IPCEF1: variants seen among roughly 807,000 people sequenced by gnomAD.
IPCEF1 encodes interactor protein for cytohesin exchange factors 1.
In IPCEF1, 31 loss-of-function variants were observed where a neutral mutation model predicts 50.9. The ratio of observed to expected loss-of-function variants is 0.61; its 90% CI spans 0.46 to 0.82. The LOEUF is 0.82. IPCEF1 is among the 40% of genes least tolerant of loss of function. The probability of loss-of-function intolerance (pLI) is 0.00; values close to 1 mark genes in which losing one functional copy is unlikely to be tolerated. For synonymous variants in IPCEF1, 181 were observed against 192.0 expected, an observed-to-expected ratio of 0.94 and a Z score of 0.47; for missense variants, 458 against 514.0, an observed-to-expected ratio of 0.89 and a Z score of 1.05.
In IPCEF1 at chr6:154,156,417, G is replaced by A. The variant is rs56089459; in HGVS notation, c.*3411C>T. ...TAACAGGTGAAGCGAGGTGGGGGGC[G>A]GAGAGGAGGAAATGGGCAGAGAGCC... On this transcript the variant is annotated 3_prime_UTR_variant, in exon 12 of 12. Transcript: ENST00000367220. 10,018 of 152,276 alleles carry A rather than the reference G, an allele frequency of 0.066. 960 individuals carry two copies. The highest frequency in any genetic ancestry group is 0.21 in the African/African-American group (8,743 of 41,460). 9.4% of individuals were successfully genotyped at this position (152,276 alleles called of 1,614,324 possible). A position where few individuals can be genotyped will look rare whatever the true frequency, so the allele number is the denominator to read the frequency against.
chr6:154,171,504 A>G (rs1291508864), intron 10 of IPCEF1, among the ~76,000 whole-genome samples: 1 of 152,174 alleles, frequency 6.6e-6, no homozygotes, highest in African/African-American at 2.4e-5. Flanking sequence ...CTAATGTGTA[A>G]GGATTTCTTT....
At chr6:154,229,381 T>G (rs1325566494) in intron 5 of IPCEF1, among the ~76,000 whole-genome samples, 13 of 140,420 alleles carry the variant, frequency 9.3e-5, no homozygotes, top group African/African-American at 3.5e-4. Flanking sequence ...ACGGAGTCTC[T>G]CTCTGTCGCC....
At chr6:154,295,150 A>G (rs1053630618) in intron 1 of IPCEF1, among the ~76,000 whole-genome samples, 1 of 152,060 alleles carries the variant, frequency 6.6e-6, no homozygotes. Context: ...GTGAGCTGAG[A>G]TTGCGCCACT....
Position 154,207,568 on chromosome 6 carries a change from G to GTT in IPCEF1, c.537+5200_537+5201dup, listed in dbSNP as rs67463270. Among the ~76,000 whole-genome samples, 232 of 143,748 alleles carry GTT rather than the reference G, an allele frequency of 1.6e-3. 1 individual carries two copies. In the East Asian group the frequency reaches 0.04, roughly 25 times the overall value. The allele number at this position is 143,748 out of a possible 152,430, so 94.3% of individuals were successfully genotyped here. A position where few individuals can be genotyped will look rare whatever the true frequency, so the allele number is the denominator to read the frequency against. On this transcript the variant is annotated intron_variant, in intron 9 of 11. Coordinates refer to ENST00000367220, the MANE Select transcript of IPCEF1 (RefSeq NM_001130700.2). ...GTTTAAACTTTTTGGGGTTTTTTTT[G>GTT]TTTTTTTGTTTTTCTGTAAAGACGG... is the stretch of plus-strand genomic sequence containing the variant.
intron 1 of IPCEF1, among the ~76,000 whole-genome samples, chr6:154,329,417 G>A (rs1783602431): frequency 6.6e-6 from 1 of 151,938 alleles, no homozygotes; most frequent in Non-Finnish European, 1.5e-5. Context: ...GCAACAAAGT[G>A]AGACTCTGCC....
At chr6:154,252,945 T>C (rs983593269) in intron 3 of IPCEF1, among the ~76,000 whole-genome samples, 3 of 152,190 alleles carry the variant, frequency 2.0e-5, no homozygotes, top group African/African-American at 7.2e-5. Context: ...TTAAACCCTT[T>C]TATTGCAGTA....
chr6:154,336,383 C>T (rs150597306), intron 1 of IPCEF1, among the ~76,000 whole-genome samples: 27 of 151,934 alleles, frequency 1.8e-4, no homozygotes, highest in African/African-American at 4.8e-4. Flanking sequence ...TGGATGGAAC[C>T]GAAGGTAATT....
chr6:154,279,872 A>G (rs943226687), intron 2 of IPCEF1, among the ~76,000 whole-genome samples: 4 of 152,246 alleles, frequency 2.6e-5, no homozygotes, highest in Non-Finnish European at 5.9e-5. Flanking sequence ...TAGGCCTTTG[A>G]CAAAGAAGGA....
intron 10 of IPCEF1, among the ~76,000 whole-genome samples, chr6:154,173,542 C>T (rs1026834423): frequency 6.6e-5 from 10 of 151,768 alleles, no homozygotes; most frequent in Admixed American, 2.0e-4. Context: ...CTTCAACAGC[C>T]GATTCAATCA....
chr6:154,315,995 G>A (rs1421369640), intron 1 of IPCEF1, among the ~76,000 whole-genome samples: 2 of 152,046 alleles, frequency 1.3e-5, no homozygotes, highest in African/African-American at 4.8e-5. Context: ...AAGTAGCTGC[G>A]AGTACAGGCA....
At position 154,160,001 on chromosome 6, in the gene IPCEF1, C is replaced by T. The variant is rs987473975; in HGVS notation, c.1144G>A (p.Asp382Asn). ...TTCCTGGCTGTCAGCTTCGGGTCAT[C>T]CAGCAACTGGTTAATCATGGCCAGA... ...HDLAMINQLL[D>N]DPKLTARKYR... is the part of the protein sequence containing the mutation. Residue 382 changes from aspartate to asparagine, a missense_variant, in exon 12 of 12, where the codon GAT becomes AAT. Transcript: ENST00000367220. 1.9e-6 allele frequency: 3 copies of T among 1,612,420 alleles called. No individual in the cohort carries two copies. Among genetic ancestry groups the T allele is most frequent in the East Asian group, 4.5e-5 (2 of 44,882 alleles).
chr6:154,194,052 C>A (rs377315987), intron 10 of IPCEF1, among the ~76,000 whole-genome samples: 2 of 152,144 alleles, frequency 1.3e-5, no homozygotes, highest in African/African-American at 4.8e-5. Flanking sequence ...GTACACCTAG[C>A]GTACTTAACG....
At chr6:154,239,430 A>AG (rs1301852835) in intron 5 of IPCEF1, among the ~76,000 whole-genome samples, 2 of 152,164 alleles carry the variant, frequency 1.3e-5, no homozygotes, top group Non-Finnish European at 2.9e-5. Flanking sequence ...GTGAAATTAG[A>AG]ATGTCAGAAG....
chr6:154,305,710 G>A (rs1454666874), intron 1 of IPCEF1, among the ~76,000 whole-genome samples: 2 of 152,136 alleles, frequency 1.3e-5, no homozygotes, highest in African/African-American at 4.8e-5. Context: ...CAATACGGGT[G>A]GGCACCATCC....
intron 2 of IPCEF1, among the ~76,000 whole-genome samples, chr6:154,288,432 G>A (rs1054047046): frequency 6.6e-6 from 1 of 152,162 alleles, no homozygotes; most frequent in Non-Finnish European, 1.5e-5. Flanking sequence ...GGGAGGCCGA[G>A]GCGGGCAGAT....
At chr6:154,280,653 G>A (rs926128525) in intron 2 of IPCEF1, among the ~76,000 whole-genome samples, 1 of 152,168 alleles carries the variant, frequency 6.6e-6, no homozygotes, top group Admixed American at 6.5e-5. Context: ...AGTGTACTTG[G>A]GTCATAAAAT....
rs58429478 is a variant in IPCEF1, at chr6:154,170,812, A to T, written c.911-2699T>A. On this transcript the variant is annotated intron_variant, in intron 10 of 11. Coordinates refer to ENST00000367220, the MANE Select transcript of IPCEF1 (RefSeq NM_001130700.2). ...GTAGTAAGTGTGGATGAGGATGTGG[A>T]TAAATTGGAACCCTCATACATTGTT... Among the ~76,000 whole-genome samples the T allele has an allele frequency of 5.8e-3, 876 of 152,320 alleles. 11 individuals are homozygous for T. The highest frequency in any genetic ancestry group is 0.02 in the African/African-American group (852 of 41,564).
At chr6:154,328,594 A>T (rs573133677) in intron 1 of IPCEF1, among the ~76,000 whole-genome samples, 199 of 118,858 alleles carry the variant, frequency 1.7e-3, no homozygotes, top group African/African-American at 8.2e-3. Context: ...AAAGAAAATT[A>T]AAAAAAAAAA....
chr6:154,282,318 C>T (rs909300280), intron 2 of IPCEF1, among the ~76,000 whole-genome samples: 3 of 152,168 alleles, frequency 2.0e-5, no homozygotes, highest in Admixed American at 6.5e-5. Flanking sequence ...GCTACTGGAA[C>T]GATCCAGGGA....
Sources: allele counts gnomAD v4.1 joint callset (sites outside exome capture counted in the v4.1 genomes callset), GRCh38; gene constraint gnomAD v4.1.1; transcripts MANE v1.5; gene names NCBI Gene and HGNC (gene_info 2026-07-23, HGNC 2026-07-21).